Variants in CCNY observed in about 807,000 individuals in gnomAD.
CCNY encodes cyclin-Y.
Under a neutral mutation model 42.8 loss-of-function variants are expected in CCNY, and 19 were observed. The observed-to-expected ratio is 0.44, with a 90% CI of 0.31 to 0.65. The LOEUF (loss-of-function observed/expected upper bound fraction) is 0.65. CCNY is among the 30% of genes least tolerant of loss of function. The pLI, the probability that CCNY is intolerant of heterozygous loss-of-function variation, is 0.07. For synonymous variants in CCNY, 165 were observed against 162.7 expected, an observed-to-expected ratio of 1.01 and a Z score of -0.11; for missense variants, 370 against 437.3, an observed-to-expected ratio of 0.85 and a Z score of 1.37.
chr10:35,481,160 A>G (rs1411548731), intron 1 of CCNY, among the ~76,000 whole-genome samples: 1 of 152,234 alleles, frequency 6.6e-6, no homozygotes, highest in African/African-American at 2.4e-5. Context: ...TTCCGTGTCA[A>G]TAAAATATTC....
intron 7 of CCNY, among the ~76,000 whole-genome samples, chr10:35,549,330 C>CGTGACCCTATGCTGTAT: frequency 6.6e-6 from 1 of 152,272 alleles, no homozygotes; most frequent in East Asian, 1.9e-4. Flanking sequence ...GGTCAAGCCA[C>CGTGACCCTATGCTGTAT]GTGACCCTAT....
intron 1 of CCNY, among the ~76,000 whole-genome samples, chr10:35,405,202 G>C (rs1554784992): frequency 6.6e-6 from 1 of 152,170 alleles, no homozygotes; most frequent in Non-Finnish European, 1.5e-5. Context: ...AGGCCATGCT[G>C]TAACAGGCAA....
chr10:35,267,589 G>A (rs908326251), intron 3 of CCNY, among the ~76,000 whole-genome samples: 2 of 152,208 alleles, frequency 1.3e-5, no homozygotes, highest in African/African-American at 4.8e-5. Flanking sequence ...GGAAGCCAGA[G>A]GAGAGGTTCT....
At chr10:35,465,767 C>G (rs754652435) in intron 1 of CCNY, among the ~76,000 whole-genome samples, 6 of 152,252 alleles carry the variant, frequency 3.9e-5, no homozygotes, top group African/African-American at 1.2e-4. Flanking sequence ...TCCAGCTCTG[C>G]GTGAGGCCCG....
intron 1 of CCNY, among the ~76,000 whole-genome samples, chr10:35,403,839 C>G (rs939166199): frequency 6.6e-6 from 1 of 152,240 alleles, no homozygotes; most frequent in African/African-American, 2.4e-5. Flanking sequence ...CATAGCCTGC[C>G]TTTGCTGGTG....
intron 3 of CCNY, among the ~76,000 whole-genome samples, chr10:35,283,007 C>T (rs140033627): frequency 2.0e-5 from 3 of 152,192 alleles, no homozygotes; most frequent in African/African-American, 4.8e-5. Context: ...GCACATTGAG[C>T]GAACTTCACC....
intron 8 of CCNY, among the ~76,000 whole-genome samples, chr10:35,561,031 A>C (rs949278109): frequency 1.3e-4 from 20 of 152,204 alleles, no homozygotes; most frequent in African/African-American, 4.8e-4. Context: ...GAGATGACAC[A>C]GCCTGTAGAA....
chr10:35,453,264 C>G (rs1245252609), intron 1 of CCNY, among the ~76,000 whole-genome samples: 1 of 152,148 alleles, frequency 6.6e-6, no homozygotes, highest in Non-Finnish European at 1.5e-5. Context: ...ATATTTTTCA[C>G]TTAGCATGAT....
At chr10:35,250,054 C>T (rs1200312681) in intron 2 of CCNY, among the ~76,000 whole-genome samples, 1 of 152,068 alleles carries the variant, frequency 6.6e-6, no homozygotes, top group African/African-American at 2.4e-5. Context: ...ATTAGCTGGG[C>T]ATGGTGGCGG....
chr10:35,418,861 A>G (rs1295810585), intron 1 of CCNY, among the ~76,000 whole-genome samples: 7 of 151,416 alleles, frequency 4.6e-5, no homozygotes. Flanking sequence ...TCTCTCTGTC[A>G]CCAGGCTGGA....
At chr10:35,537,553 C>G (rs1027159654) in intron 7 of CCNY, among the ~76,000 whole-genome samples, 4 of 152,230 alleles carry the variant, frequency 2.6e-5, no homozygotes, top group African/African-American at 9.6e-5. Flanking sequence ...CTGCCCAGGA[C>G]TATCAGAACC....
intron 3 of CCNY, among the ~76,000 whole-genome samples, chr10:35,262,281 A>T (rs1288732604): frequency 6.7e-6 from 1 of 148,784 alleles, no homozygotes; most frequent in Admixed American, 6.7e-5. Flanking sequence ...AAAAAAAAAG[A>T]ATTGAATAGT....
At chr10:35,567,911 C>T (rs948908086) in intron 9 of CCNY, among the ~76,000 whole-genome samples, 16 of 152,302 alleles carry the variant, frequency 1.1e-4, no homozygotes, top group Non-Finnish European at 7.4e-5. Context: ...AAAACCCTCC[C>T]TCTGCAGGAC....
chr10:35,262,903 T>C (rs1421966005), intron 3 of CCNY, among the ~76,000 whole-genome samples: 2 of 148,444 alleles, frequency 1.3e-5, no homozygotes, highest in Non-Finnish European at 3.0e-5. Context: ...AAATTCTCAC[T>C]CTAAGAACAG....
intron 2 of CCNY, among the ~76,000 whole-genome samples, chr10:35,485,298 C>G (rs542622140): frequency 1.1e-3 from 170 of 152,360 alleles, no homozygotes; most frequent in African/African-American, 4.0e-3. Flanking sequence ...GTATGTGGCA[C>G]TTGCTGTCAC....
At chr10:35,365,787 A>G (rs1395276187) in intron 1 of CCNY, among the ~76,000 whole-genome samples, 1 of 152,234 alleles carries the variant, frequency 6.6e-6, no homozygotes, top group Non-Finnish European at 1.5e-5. Context: ...AGCTGGGTAA[A>G]GGGTATATGG....
chr10:35,568,163 C>T (rs1440223398), intron 9 of CCNY, among the ~76,000 whole-genome samples: 1 of 152,190 alleles, frequency 6.6e-6, no homozygotes, highest in Admixed American at 6.5e-5. Context: ...GGCTCTGAGT[C>T]AGTCACCCTG....
At chr10:35,501,583 A>G (rs1466618882) in intron 3 of CCNY, 48 bp downstream of exon 3, 1 of 1,503,500 alleles carries the variant, frequency 6.7e-7, no homozygotes, top group Middle Eastern at 1.7e-4. Flanking sequence ...TGTACAGTGT[A>G]AAGAGCTAAA....
intron 3 of CCNY, among the ~76,000 whole-genome samples, chr10:35,277,037 A>G (rs1455375776): frequency 6.6e-6 from 1 of 152,168 alleles, no homozygotes; most frequent in Non-Finnish European, 1.5e-5. Context: ...TTGGGATTCC[A>G]TCTCATGCAT....
Sources: gnomAD v4.1 joint callset for allele counts (sites outside exome capture counted in the v4.1 genomes callset) on GRCh38, gnomAD v4.1.1 for gene constraint, MANE v1.5 for transcripts, NCBI Gene and HGNC (gene_info 2026-07-23, HGNC 2026-07-21) for gene names.